The following CFDP1 variants were observed in gnomAD, a reference collection of about 807,000 sequenced individuals.
The protein encoded by CFDP1 is chromatin remodeling protein CFDP1.
A neutral mutation model predicts 40.1 loss-of-function variants in CFDP1; 31 were observed. The ratio of observed to expected loss-of-function variants is 0.77; its 90% CI spans 0.58 to 1.04. The LOEUF (loss-of-function observed/expected upper bound fraction) is 1.04. Among genes scored for constraint, CFDP1 ranks in the 50% least tolerant of loss-of-function variants. CFDP1 has a pLI of 0.00. For missense variants in CFDP1, 423 were observed against 343.4 expected (o/e 1.23, Z -1.83); for synonymous variants, 167 against 120.0 (o/e 1.39, Z -2.56).
intron 5 of CFDP1, among the ~76,000 whole-genome samples, chr16:75,368,058 C>T (rs1053788713): frequency 2.0e-5 from 3 of 152,054 alleles, no homozygotes; most frequent in South Asian, 2.1e-4. Context: ...GAGCCAAGAT[C>T]GCACCGTGCC....
At chr16:75,397,102 G>A (rs1355340315) in intron 4 of CFDP1, among the ~76,000 whole-genome samples, 1 of 151,952 alleles carries the variant, frequency 6.6e-6, no homozygotes, top group Non-Finnish European at 1.5e-5. Flanking sequence ...TTTTAGTAGA[G>A]ATGGGGTTTC....
chr16:75,301,885 G>A (rs1279610664), intron 6 of CFDP1: 3 of 152,212 alleles, frequency 2.0e-5, no homozygotes, highest in Non-Finnish European at 4.4e-5. Flanking sequence ...CTGGCCTAGG[G>A]GCTGGGCTCC....
At chr16:75,346,440 G>T (rs1319835258) in intron 5 of CFDP1, among the ~76,000 whole-genome samples, 1 of 151,586 alleles carries the variant, frequency 6.6e-6, no homozygotes, top group East Asian at 1.9e-4. Context: ...AAAATTAGCC[G>T]GGCGTGGTGG....
chr16:75,310,580 T>A (rs963677360), intron 5 of CFDP1, among the ~76,000 whole-genome samples: 2 of 152,244 alleles, frequency 1.3e-5, no homozygotes, highest in African/African-American at 4.8e-5. Flanking sequence ...AACTTCATCC[T>A]GTTGAGTCTG....
chr16:75,390,447 A>G (rs1305913179), intron 5 of CFDP1, among the ~76,000 whole-genome samples: 4 of 152,176 alleles, frequency 2.6e-5, no homozygotes, highest in Non-Finnish European at 4.4e-5. Context: ...TTGAGCAAGA[A>G]TCACCCTCTC....
chr16:75,374,019 A>C (rs2078773072), intron 5 of CFDP1, among the ~76,000 whole-genome samples: 1 of 151,382 alleles, frequency 6.6e-6, no homozygotes. Context: ...TTGGGAGGCC[A>C]AACCAGGTGG....
In CFDP1 at chr16:75,293,837, A is replaced by C; in HGVS notation, c.*115T>G. On this transcript the variant is annotated 3_prime_UTR_variant, in exon 7 of 7. Transcript: ENST00000283882. ...CATAGACAGAACTTCAATGTAGAAA[A>C]AAAAAAGACCTTGCTGGGAAACAGA... 2.5e-6 allele frequency: 2 copies of C among 813,074 alleles called. No individual in the cohort carries two copies. The highest frequency in any genetic ancestry group is 3.9e-6 in the Non-Finnish European group (2 of 516,028). 50.4% of individuals were successfully genotyped at this position (813,074 alleles called of 1,614,324 possible). A position where few individuals can be genotyped will look rare whatever the true frequency, so the allele number is the denominator to read the frequency against.
intron 4 of CFDP1, among the ~76,000 whole-genome samples, chr16:75,395,667 A>T (rs1255855526): frequency 1.3e-5 from 2 of 152,056 alleles, no homozygotes; most frequent in Admixed American, 1.3e-4. Flanking sequence ...TCAAAAAAAT[A>T]AAAAAAATAA....
chr16:75,367,783 A>G (rs1406521818), intron 5 of CFDP1, among the ~76,000 whole-genome samples: 1 of 106,190 alleles, frequency 9.4e-6, no homozygotes, highest in Non-Finnish European at 1.8e-5. Flanking sequence ...ACAGAGTGAC[A>G]CTCCATCTCA....
intron 5 of CFDP1, among the ~76,000 whole-genome samples, chr16:75,369,993 C>T (rs980420507): frequency 2.0e-5 from 3 of 152,088 alleles, no homozygotes; most frequent in Non-Finnish European, 4.4e-5. Context: ...AGGCTGGTCT[C>T]AAACTCCTTA....
chr16:75,350,293 C>T (rs1267432886), intron 5 of CFDP1, among the ~76,000 whole-genome samples: 1 of 152,132 alleles, frequency 6.6e-6, no homozygotes, highest in African/African-American at 2.4e-5. Context: ...CTATGTTTAA[C>T]TTTGAGAATC....
chr16:75,297,261 C>G (rs2078190365), intron 6 of CFDP1, among the ~76,000 whole-genome samples: 1 of 151,726 alleles, frequency 6.6e-6, no homozygotes, highest in African/African-American at 2.4e-5. Context: ...CTCAAGTAAT[C>G]TGCCCGCCTC....
chr16:75,397,212 C>T (rs977612596), intron 4 of CFDP1, among the ~76,000 whole-genome samples: 3 of 151,418 alleles, frequency 2.0e-5, no homozygotes, highest in African/African-American at 4.8e-5. Flanking sequence ...CTGCGCCCAG[C>T]GTTTTTTTGT....
intron 5 of CFDP1, among the ~76,000 whole-genome samples, chr16:75,326,147 A>G (rs1019021778): frequency 6.6e-6 from 1 of 152,216 alleles, no homozygotes; most frequent in Non-Finnish European, 1.5e-5. Flanking sequence ...GTGAAAATGA[A>G]GCTCTATAAC....
chr16:75,422,018 G>C, intron 1 of CFDP1, among the ~76,000 whole-genome samples: 1 of 152,150 alleles, frequency 6.6e-6, no homozygotes, highest in East Asian at 1.9e-4. Flanking sequence ...TATTGTTTAG[G>C]AAATAATGAC....
At chr16:75,326,911 A>G (rs996750923) in intron 5 of CFDP1, among the ~76,000 whole-genome samples, 1 of 152,224 alleles carries the variant, frequency 6.6e-6, no homozygotes, top group African/African-American at 2.4e-5. Flanking sequence ...TCAGACATGC[A>G]AAGTTTCAAA....
At chr16:75,296,417 T>C (rs1005138852) in intron 6 of CFDP1, among the ~76,000 whole-genome samples, 2 of 152,130 alleles carry the variant, frequency 1.3e-5, no homozygotes, top group East Asian at 3.9e-4. Flanking sequence ...TTAAATCTTT[T>C]GTAAAGATAG....
At chr16:75,310,528 G>T (rs1597323145) in intron 5 of CFDP1, among the ~76,000 whole-genome samples, 1 of 152,142 alleles carries the variant, frequency 6.6e-6, no homozygotes, top group Non-Finnish European at 1.5e-5. Context: ...TTTAGCAAAA[G>T]AAATGTAATT....
intron 1 of CFDP1, among the ~76,000 whole-genome samples, chr16:75,425,363 G>A (rs1291011276): frequency 2.2e-5 from 3 of 138,730 alleles, no homozygotes; most frequent in South Asian, 4.6e-4. Context: ...CTCCAGCCTG[G>A]GCAACAGAGT....
Sources: allele counts gnomAD v4.1 joint callset (sites outside exome capture counted in the v4.1 genomes callset), GRCh38; gene constraint gnomAD v4.1.1; transcripts MANE v1.5; gene names NCBI Gene and HGNC (gene_info 2026-07-23, HGNC 2026-07-21).